PDS5A: variants seen among roughly 807,000 people sequenced by gnomAD.
PDS5A encodes the protein PDS5 cohesin associated factor A, also known as sister chromatid cohesion protein PDS5 homolog A.
A neutral mutation model predicts 167.1 loss-of-function variants in PDS5A; 42 were observed. The ratio of observed to expected loss-of-function variants is 0.25; its 90% CI spans 0.20 to 0.33. PDS5A has a LOEUF of 0.33. Ranked by LOEUF, PDS5A falls within the 10% of genes least tolerant of loss-of-function variation. The pLI, the probability that PDS5A is intolerant of heterozygous loss-of-function variation, is 1.00. For synonymous variants in PDS5A, 553 were observed against 554.6 expected, an observed-to-expected ratio of 1.00 and a Z score of 0.04; for missense variants, 1,033 against 1,605.9, an observed-to-expected ratio of 0.64 and a Z score of 6.10.
intron 11 of PDS5A, among the ~76,000 whole-genome samples, chr4:39,904,591 C>A (rs989649533): frequency 1.4e-4 from 22 of 152,218 alleles, no homozygotes; most frequent in Admixed American, 4.6e-4. Flanking sequence ...CTCGGCCCCC[C>A]AAAGTGCTGG....
At chr4:39,956,882 C>T (rs1578823971) in intron 2 of PDS5A, among the ~76,000 whole-genome samples, 3 of 152,064 alleles carry the variant, frequency 2.0e-5, no homozygotes, top group Non-Finnish European at 2.9e-5. Context: ...ATGTTGCCCG[C>T]GCTAGTCTCA....
chr4:39,875,852 T>C (rs1040807239), intron 19 of PDS5A, among the ~76,000 whole-genome samples: 2 of 152,170 alleles, frequency 1.3e-5, no homozygotes, highest in Admixed American at 1.3e-4. Flanking sequence ...AATCAAACTG[T>C]TGTTAAATGT....
chr4:39,830,582 C>T (rs188999924), intron 32 of PDS5A, among the ~76,000 whole-genome samples: 1 of 152,078 alleles, frequency 6.6e-6, no homozygotes, highest in Non-Finnish European at 1.5e-5. Context: ...TGTGCCACCA[C>T]GCCCAGCTAA....
chr4:39,829,169 C>A (rs1297519266), intron 32 of PDS5A, among the ~76,000 whole-genome samples: 1 of 152,138 alleles, frequency 6.6e-6, no homozygotes, highest in Admixed American at 6.5e-5. Flanking sequence ...GATATAAAAC[C>A]TTAACAGGAT....
intron 22 of PDS5A, among the ~76,000 whole-genome samples, chr4:39,869,061 C>CACT (rs1719792458): frequency 6.6e-6 from 1 of 152,180 alleles, no homozygotes; most frequent in Non-Finnish European, 1.5e-5. Flanking sequence ...AGGCAGAAGA[C>CACT]ACTGACATGT....
At chr4:39,870,339 A>G (rs1307875120) in intron 21 of PDS5A, among the ~76,000 whole-genome samples, 1 of 152,154 alleles carries the variant, frequency 6.6e-6, no homozygotes, top group Non-Finnish European at 1.5e-5. Context: ...GAAAATGTAA[A>G]TAACTCTTAA....
chr4:39,845,627 G>A (rs1170863414), intron 29 of PDS5A, among the ~76,000 whole-genome samples, 191 bp downstream of exon 29: 1 of 152,102 alleles, frequency 6.6e-6, no homozygotes, highest in Non-Finnish European at 1.5e-5. Context: ...AACACACAGT[G>A]GCATTTCAGA....
chr4:39,966,719 C>T (rs931403211), intron 2 of PDS5A, among the ~76,000 whole-genome samples: 5 of 152,062 alleles, frequency 3.3e-5, no homozygotes, highest in Non-Finnish European at 5.9e-5. Flanking sequence ...AATTTCAGGC[C>T]GGGCATGGTG....
intron 13 of PDS5A, among the ~76,000 whole-genome samples, chr4:39,901,265 TC>T (rs1722859696): frequency 7.8e-6 from 1 of 128,868 alleles, no homozygotes; most frequent in South Asian, 2.7e-4. Context: ...TTCTTTTCTT[TC>T]TTTTTTTTTT....
At chr4:39,845,956 G>A in intron 28 of PDS5A, 76 bp from the exon 29 acceptor site, 2 of 1,142,482 alleles carry the variant, frequency 1.8e-6, no homozygotes, top group Non-Finnish European at 2.2e-6. Context: ...ATCTCAATAA[G>A]GCTTTTTAGG....
In PDS5A at chr4:39,925,877, T is replaced by G. The variant is rs763422612; in HGVS notation, c.486A>C (p.Glu162Asp). The G allele has an allele frequency of 6.6e-6, 10 of 1,516,944 alleles. No individual in the cohort carries two copies. The highest frequency in any genetic ancestry group is 9.0e-6 in the Non-Finnish European group (10 of 1,108,848). The allele number at this position is 1,516,944 out of a possible 1,614,324, so 94.0% of individuals were successfully genotyped here. Reference protein sequence around the residue: ...NICFELEDCNEIFIQLFRTLF... With the variant: ...NICFELEDCNDIFIQLFRTLF... Reference sequence around the variant, plus strand: ...GAGTTCTAAAAAGCTGAATAAAAATTTCATTGCAATCTTCCAATTCAAAGC... The same window carrying G: ...GAGTTCTAAAAAGCTGAATAAAAATGTCATTGCAATCTTCCAATTCAAAGC... Residue 162 changes from glutamate (E) to aspartate (D), a missense_variant, in exon 5 of 33, where the codon GAA becomes GAC. Glu to Asp is a conservative substitution (Grantham distance 45). This residue lies in a region of PDS5A where 388 missense variants were observed against 615.1 expected (regional missense o/e 0.63). Coordinates refer to ENST00000303538, the MANE Select transcript of PDS5A (RefSeq NM_001100399.2).
At chr4:39,919,743 C>CT (rs1560483868) in intron 7 of PDS5A, among the ~76,000 whole-genome samples, 2 of 151,834 alleles carry the variant, frequency 1.3e-5, no homozygotes, top group Admixed American at 6.6e-5. Flanking sequence ...AGATTGCAAA[C>CT]TTTTTTTTCC....
chr4:39,973,746 A>G (rs1730794914), intron 2 of PDS5A: 1 of 1,293,322 alleles, frequency 7.7e-7, no homozygotes, highest in Non-Finnish European at 1.1e-6. Flanking sequence ...TGGCAAGTGT[A>G]CGAGCTGTGC....
intron 4 of PDS5A, among the ~76,000 whole-genome samples, chr4:39,926,387 G>A (rs978880709): frequency 3.3e-5 from 5 of 151,908 alleles, no homozygotes; most frequent in Admixed American, 6.6e-5. Context: ...GCGTGGTGGT[G>A]TATGCCTGTA....
chr4:39,958,760 C>T (rs1323563098), intron 2 of PDS5A, among the ~76,000 whole-genome samples: 2 of 151,972 alleles, frequency 1.3e-5, no homozygotes, highest in Non-Finnish European at 2.9e-5. Context: ...AGGCGCACAT[C>T]ACCACCCCTG....
intron 2 of PDS5A, among the ~76,000 whole-genome samples, chr4:39,963,690 A>G (rs1332308392): frequency 6.6e-6 from 1 of 151,908 alleles, no homozygotes; most frequent in Non-Finnish European, 1.5e-5. Flanking sequence ...AAATTAGCCC[A>G]GCATGGTGGT....
intron 30 of PDS5A, among the ~76,000 whole-genome samples, chr4:39,843,501 A>C (rs1438707722): frequency 6.6e-6 from 1 of 152,118 alleles, no homozygotes; most frequent in Non-Finnish European, 1.5e-5. Flanking sequence ...TGGGAGTCCA[A>C]GGTGGGCAGA....
chr4:39,852,411 C>T (rs1718193825), intron 26 of PDS5A, among the ~76,000 whole-genome samples: 1 of 152,082 alleles, frequency 6.6e-6, no homozygotes, highest in Non-Finnish European at 1.5e-5. Context: ...TGATCCTCTG[C>T]TTCTTCTTGC....
chr4:39,948,517 G>T (rs1362660922), intron 2 of PDS5A, among the ~76,000 whole-genome samples: 4 of 151,462 alleles, frequency 2.6e-5, no homozygotes, highest in South Asian at 2.1e-4. Flanking sequence ...TAGAGATGGG[G>T]TTTTACCATC....
Sources: allele counts gnomAD v4.1 joint callset (sites outside exome capture counted in the v4.1 genomes callset), GRCh38; gene constraint gnomAD v4.1.1; regional missense constraint gnomAD v4.1.1; transcripts MANE v1.5; gene names NCBI Gene and HGNC (gene_info 2026-07-23, HGNC 2026-07-21).